Variants in CFAP90 observed in about 807,000 individuals in gnomAD.
The protein encoded by CFAP90 is cilia- and flagella-associated protein 90.
chr5:7,847,569 G>A, the CFAP90 span, among the ~76,000 whole-genome samples: 1 of 152,172 alleles, frequency 6.6e-6, no homozygotes, highest in Admixed American at 6.5e-5. Flanking sequence ...ACATAGGTGT[G>A]AGACTATGTT....
chr5:7,850,596 C>A, the CFAP90 span, among the ~76,000 whole-genome samples: 1 of 143,850 alleles, frequency 7.0e-6, no homozygotes, highest in African/African-American at 2.6e-5. Context: ...GGTAACCCCG[C>A]CCCCAGGCCC....
chr5:7,836,419 A>C, the CFAP90 span, among the ~76,000 whole-genome samples: 1 of 152,164 alleles, frequency 6.6e-6, no homozygotes, highest in Non-Finnish European at 1.5e-5. Flanking sequence ...CCTGAAAATC[A>C]ACTGACAGAA....
the CFAP90 span, among the ~76,000 whole-genome samples, chr5:7,832,359 C>G: frequency 2.6e-5 from 4 of 152,172 alleles, no homozygotes; most frequent in Admixed American, 6.5e-5. Context: ...CACCCAGATC[C>G]TGGCTCAGAT....
chr5:7,835,256 C>G, the CFAP90 span: 3 of 603,906 alleles, frequency 5.0e-6, no homozygotes, highest in African/African-American at 5.6e-5. Flanking sequence ...TTGCCACAAA[C>G]TTTCAATTTG....
At chr5:7,848,761 G>C in the CFAP90 span, among the ~76,000 whole-genome samples, 10 of 152,204 alleles carry the variant, frequency 6.6e-5, no homozygotes, top group African/African-American at 2.4e-4. Context: ...GTGATAGTGA[G>C]TTAGTTCTCA....
At chr5:7,841,977 G>T in the CFAP90 span, among the ~76,000 whole-genome samples, 1 of 151,966 alleles carries the variant, frequency 6.6e-6, no homozygotes, top group East Asian at 1.9e-4. Context: ...ATTAAAAGTT[G>T]GAAATTAGAA....
the CFAP90 span, among the ~76,000 whole-genome samples, chr5:7,847,858 C>T: frequency 3.3e-5 from 5 of 152,170 alleles, no homozygotes; most frequent in African/African-American, 9.7e-5. Context: ...AGTAGCTGGC[C>T]CACAGGAGAT....
At chr5:7,840,052 G>C in the CFAP90 span, among the ~76,000 whole-genome samples, 1 of 151,890 alleles carries the variant, frequency 6.6e-6, no homozygotes, top group East Asian at 1.9e-4. Context: ...GCTATCACAA[G>C]ACAGAGCTTC....
the CFAP90 span, chr5:7,832,009 T>C: frequency 6.2e-7 from 1 of 1,611,126 alleles, no homozygotes; most frequent in Non-Finnish European, 8.5e-7. Flanking sequence ...ACGTCAGCAC[T>C]CCAACCGGCC....
the CFAP90 span, chr5:7,830,829 T>C: frequency 6.6e-6 from 1 of 152,226 alleles, no homozygotes; most frequent in African/African-American, 2.4e-5. Context: ...ATTAAAAATG[T>C]AGCTGATGAT....
chr5:7,838,146 T>C, the CFAP90 span, among the ~76,000 whole-genome samples: 1 of 152,194 alleles, frequency 6.6e-6, no homozygotes, highest in South Asian at 2.1e-4. Context: ...AATTGGCTAG[T>C]TTTTTGGACC....
chr5:7,851,030 C>G, the CFAP90 span: 4 of 1,244,736 alleles, frequency 3.2e-6, no homozygotes, highest in African/African-American at 6.2e-5. Context: ...ATGCCGCCAC[C>G]GTCCAGCGCC....
the CFAP90 span, among the ~76,000 whole-genome samples, chr5:7,833,532 CATAT>C: frequency 6.6e-6 from 1 of 152,058 alleles, no homozygotes; most frequent in Non-Finnish European, 1.5e-5. Flanking sequence ...CACATGCACA[CATAT>C]ATACACACAG....
At chr5:7,839,088 C>T in the CFAP90 span, among the ~76,000 whole-genome samples, 3 of 152,170 alleles carry the variant, frequency 2.0e-5, no homozygotes, top group African/African-American at 4.8e-5. Context: ...ATGGTGGCAG[C>T]CAGAGAGAGA....
the CFAP90 span, chr5:7,831,973 A>G: frequency 6.2e-7 from 1 of 1,614,056 alleles, no homozygotes; most frequent in Non-Finnish European, 8.5e-7. Flanking sequence ...CAATGGGCTG[A>G]TTGATGCGCT....
the CFAP90 span, chr5:7,831,742 C>G: frequency 2.7e-6 from 3 of 1,099,038 alleles, no homozygotes; most frequent in Non-Finnish European, 4.0e-6. Context: ...TAGCCAAGCT[C>G]CTAGGCGTCA....
At chr5:7,842,852 C>T in the CFAP90 span, among the ~76,000 whole-genome samples, 1 of 152,156 alleles carries the variant, frequency 6.6e-6, no homozygotes, top group South Asian at 2.1e-4. Flanking sequence ...CGGTCATGGT[C>T]AATTTTAGGC....
the CFAP90 span, among the ~76,000 whole-genome samples, chr5:7,834,270 T>G: frequency 6.6e-6 from 1 of 151,822 alleles, no homozygotes; most frequent in African/African-American, 2.4e-5. Flanking sequence ...AAGGTGTGTG[T>G]TTGTGTCTTA....
chr5:7,850,470 CCT>C, the CFAP90 span, among the ~76,000 whole-genome samples: 1 of 151,992 alleles, frequency 6.6e-6, no homozygotes, highest in South Asian at 2.1e-4. Context: ...GTTGTGAGCT[CCT>C]CTCTCCAGTC....
Sources: gnomAD v4.1 joint callset for allele counts (sites outside exome capture counted in the v4.1 genomes callset) on GRCh38, gnomAD v4.1.1 for gene constraint, MANE v1.5 for transcripts, NCBI Gene and HGNC (gene_info 2026-07-23, HGNC 2026-07-21) for gene names.